The following NCAM2 variants were observed in gnomAD, a reference collection of about 807,000 sequenced individuals.
NCAM2 encodes N-CAM-2.
NCAM2 carries 30 observed loss-of-function variants against 98.1 expected under a neutral mutation model. That is an observed-to-expected ratio of 0.31 (90% CI 0.23 to 0.41). The LOEUF (loss-of-function observed/expected upper bound fraction) is 0.41, where lower values mean the gene tolerates loss of function less well. Ranked by LOEUF, NCAM2 falls within the 10% of genes least tolerant of loss-of-function variation. NCAM2 has a pLI of 1.00. For synonymous variants in NCAM2, 368 were observed against 342.4 expected (o/e 1.07, Z -0.83); for missense variants, 867 against 1,005.8 (o/e 0.86, Z 1.87).
intron 1 of NCAM2, among the ~76,000 whole-genome samples, chr21:21,039,118 A>G (rs1344677050): frequency 2.0e-5 from 3 of 152,168 alleles, no homozygotes; most frequent in African/African-American, 7.2e-5. Context: ...TACATGTAAC[A>G]GGCCCATTTT....
intron 1 of NCAM2, among the ~76,000 whole-genome samples, chr21:21,207,664 G>T (rs553827111): frequency 1.3e-5 from 2 of 152,242 alleles, no homozygotes; most frequent in African/African-American, 2.4e-5. Flanking sequence ...GATGATTCAG[G>T]TACCCATTCC....
At position 21,432,165 on chromosome 21, in the gene NCAM2, A is replaced by G. The variant is rs1207208584; in HGVS notation, c.1538A>G (p.Lys513Arg). 4.3e-6 allele frequency: 7 copies of G among 1,613,990 alleles called. No homozygotes were observed. The Admixed American group carries it at 6.7e-5, about 15-fold the overall frequency. Residue 513 changes from lysine to arginine, a missense_variant, in exon 12 of 18, where the codon AAG (lysine) becomes AGG (arginine). Coordinates refer to ENST00000400546, the MANE Select transcript of NCAM2 (RefSeq NM_004540.5). ...ATAGAGCTGTCGCAGACCACGGCCAAGGTTTCCTTCAACAAACCGGACTCC... is the reference window on the plus strand; with the variant it reads ...ATAGAGCTGTCGCAGACCACGGCCAGGGTTTCCTTCAACAAACCGGACTCC... ...KIIELSQTTAKVSFNKPDSHG... is the reference protein window; with the variant it reads ...KIIELSQTTARVSFNKPDSHG...
At chr21:21,172,185 T>A (rs940478962) in intron 1 of NCAM2, among the ~76,000 whole-genome samples, 1 of 152,042 alleles carries the variant, frequency 6.6e-6, no homozygotes, top group Admixed American at 6.6e-5. Flanking sequence ...GACAATATCA[T>A]CAGTTTGGTA....
intron 1 of NCAM2, among the ~76,000 whole-genome samples, chr21:21,182,761 A>G (rs901517316): frequency 7.2e-5 from 11 of 152,158 alleles, no homozygotes; most frequent in Admixed American, 5.2e-4. Flanking sequence ...TTTCTAAAAT[A>G]TACTGTGGTT....
intron 12 of NCAM2, among the ~76,000 whole-genome samples, chr21:21,433,844 A>T (rs550508651): frequency 6.6e-6 from 1 of 152,080 alleles, no homozygotes; most frequent in Admixed American, 6.5e-5. Context: ...AACAGAAGGA[A>T]AAAAGGCATT....
chr21:21,180,882 AAG>A (rs1158655642), intron 1 of NCAM2, among the ~76,000 whole-genome samples: 1 of 152,176 alleles, frequency 6.6e-6, no homozygotes, highest in African/African-American at 2.4e-5. Context: ...CAGGAACAAA[AAG>A]TAATTTAGTA....
At chr21:21,320,413 A>C (rs1159835455) in intron 5 of NCAM2, among the ~76,000 whole-genome samples, 2 of 152,088 alleles carry the variant, frequency 1.3e-5, no homozygotes, top group Non-Finnish European at 2.9e-5. Flanking sequence ...TTTTGTATGC[A>C]TTTTGAGTTC....
Position 21,074,803 on chromosome 21 carries a change from A to G in NCAM2, c.55+76185A>G, listed in dbSNP as rs1394248638. Reference sequence around the variant, plus strand: ...TTTTTGTGACAGAATCAATGCAGGGAAACTATGAAGGTCATGTCTCTGTTG... The same window carrying G: ...TTTTTGTGACAGAATCAATGCAGGGGAACTATGAAGGTCATGTCTCTGTTG... On this transcript the variant is annotated intron_variant, in intron 1 of 17. Coordinates refer to ENST00000400546, the MANE Select transcript of NCAM2 (RefSeq NM_004540.5). 2.0e-5 allele frequency among the ~76,000 whole-genome samples: 3 copies of G among 149,540 alleles called. No homozygotes were observed. In the East Asian group the frequency reaches 5.8e-4, roughly 29 times the overall value.
At chr21:21,441,688 T>C (rs1979295096) in intron 12 of NCAM2, among the ~76,000 whole-genome samples, 1 of 152,114 alleles carries the variant, frequency 6.6e-6, no homozygotes, top group African/African-American at 2.4e-5. Context: ...GTAGGTTTTA[T>C]TGGCAAAGTG....
At position 21,148,316 on chromosome 21, in the gene NCAM2, C is replaced by T. The variant is rs1291760554; in HGVS notation, c.56-132262C>T. Among the ~76,000 whole-genome samples, 11 of 152,254 alleles carry T rather than the reference C, an allele frequency of 7.2e-5. No homozygotes were observed. The South Asian group carries it at 8.3e-4, about 11-fold the overall frequency. Reference sequence around the variant, plus strand: ...CCTCATAAATGAAGGCTTTCTCTAACTTTAATACTGTGGAACAAGCAGGGA... The same window carrying T: ...CCTCATAAATGAAGGCTTTCTCTAATTTTAATACTGTGGAACAAGCAGGGA... On this transcript the variant is annotated intron_variant, in intron 1 of 17. Coordinates refer to ENST00000400546, the MANE Select transcript of NCAM2 (RefSeq NM_004540.5).
intron 1 of NCAM2, among the ~76,000 whole-genome samples, chr21:21,077,804 A>G (rs939979898): frequency 6.1e-4 from 93 of 152,266 alleles, no homozygotes; most frequent in African/African-American, 2.1e-3. Flanking sequence ...TATATCACAT[A>G]AGTATATTCA....
intron 15 of NCAM2, among the ~76,000 whole-genome samples, chr21:21,494,936 T>A (rs533568574): frequency 6.6e-6 from 1 of 151,784 alleles, no homozygotes; most frequent in South Asian, 2.1e-4. Flanking sequence ...CAGCTCAGTT[T>A]CTTTCTTTTT....
chr21:21,166,906 AG>A (rs1454288335), intron 1 of NCAM2, among the ~76,000 whole-genome samples: 1 of 152,224 alleles, frequency 6.6e-6, no homozygotes, highest in Non-Finnish European at 1.5e-5. Flanking sequence ...CTTTCTGGTC[AG>A]TCACAAAATT....
chr21:21,272,509 C>CGCGCGT (rs200802919), intron 1 of NCAM2, among the ~76,000 whole-genome samples: 1 of 8,148 alleles, frequency 1.2e-4, no homozygotes, highest in Non-Finnish European at 3.2e-4. Flanking sequence ...CGCGCGCGCG[C>CGCGCGT]ACACACACAC....
At chr21:21,336,564 A>T (rs1376211281) in intron 7 of NCAM2, among the ~76,000 whole-genome samples, 2 of 151,998 alleles carry the variant, frequency 1.3e-5, no homozygotes, top group Admixed American at 6.6e-5. Context: ...AGTATAATAA[A>T]AAAAAAAAGA....
intron 9 of NCAM2, among the ~76,000 whole-genome samples, chr21:21,396,729 G>T (rs950794473): frequency 2.0e-5 from 3 of 152,162 alleles, no homozygotes; most frequent in Non-Finnish European, 4.4e-5. Flanking sequence ...GGCTTCCACT[G>T]TGGGCACAAG....
At chr21:21,338,307 A>T in intron 7 of NCAM2, 82 bp from the exon 8 acceptor site, 1 of 1,288,128 alleles carries the variant, frequency 7.8e-7, no homozygotes, top group East Asian at 2.4e-5. Flanking sequence ...ACTATAGTAG[A>T]CTTAAACACC....
intron 8 of NCAM2, among the ~76,000 whole-genome samples, chr21:21,341,514 T>A (rs925535341): frequency 7.9e-5 from 12 of 152,072 alleles, no homozygotes; most frequent in Admixed American, 1.3e-4. Flanking sequence ...AAAACAAAAC[T>A]AAACTAAAAT....
At chr21:21,251,583 C>T (rs918454588) in intron 1 of NCAM2, among the ~76,000 whole-genome samples, 6 of 152,072 alleles carry the variant, frequency 3.9e-5, no homozygotes, top group Non-Finnish European at 8.8e-5. Context: ...GGTTACAAGA[C>T]TCTGTTATTG....
Sources: gnomAD v4.1 joint callset for allele counts (sites outside exome capture counted in the v4.1 genomes callset) on GRCh38, gnomAD v4.1.1 for gene constraint, MANE v1.5 for transcripts, NCBI Gene and HGNC (gene_info 2026-07-23, HGNC 2026-07-21) for gene names.